The following PRKG2 variants were observed in gnomAD, a reference collection of about 807,000 sequenced individuals.
The protein encoded by PRKG2 is cGMP-dependent protein kinase 2.
Under a neutral mutation model 97.2 loss-of-function variants are expected in PRKG2, and 33 were observed. The ratio of observed to expected loss-of-function variants is 0.34; its 90% CI spans 0.26 to 0.45. The LOEUF is 0.45. PRKG2 is among the 20% of genes least tolerant of loss of function. The pLI, the probability that PRKG2 is intolerant of heterozygous loss-of-function variation, is 1.00. For synonymous variants in PRKG2, 330 were observed against 321.8 expected, an observed-to-expected ratio of 1.03 and a Z score of -0.27; for missense variants, 638 against 900.0, an observed-to-expected ratio of 0.71 and a Z score of 3.73.
At chr4:81,217,133 G>A (rs1035734292), upstream of PRKG2, among the ~76,000 whole-genome samples, 7 of 149,398 alleles carry the variant, frequency 4.7e-5, no homozygotes, top group Admixed American at 1.3e-4. Flanking sequence ...CCATGATTTT[G>A]CTATTGTGAA....
At position 81,152,063 on chromosome 4, in the gene PRKG2, T is replaced by C; in HGVS notation, c.991-9A>G. 2 of 1,585,540 alleles carry C rather than the reference T, an allele frequency of 1.3e-6. No individual in the cohort carries two copies. The highest frequency in any genetic ancestry group is 1.7e-6 in the Non-Finnish European group (2 of 1,159,798). On this transcript the variant is annotated splice_polypyrimidine_tract_variant and intron_variant, in intron 7 of 18. Transcript: ENST00000264399. ...CTCTGTGTTACTTTTACCTAAACAA[T>C]GTTAAGCAATACAAACAGAAAGAGA...
intron 2 of PRKG2, among the ~76,000 whole-genome samples, chr4:81,181,183 G>A (rs1439215778): frequency 6.6e-6 from 1 of 151,946 alleles, no homozygotes; most frequent in Non-Finnish European, 1.5e-5. Flanking sequence ...AAGTAATACA[G>A]AGTATATTCT....
At position 81,159,140 on chromosome 4, in the gene PRKG2, T is replaced by C. The variant is rs747651879; in HGVS notation, c.913-5419A>G. Among the ~76,000 whole-genome samples the C allele has an allele frequency of 2.6e-3, 389 of 152,160 alleles. 1 individual carries two copies. Among genetic ancestry groups the C allele is most frequent in the Non-Finnish European group, 1.7e-3 (113 of 68,008 alleles). On this transcript the variant is annotated intron_variant, in intron 6 of 18. Coordinates refer to ENST00000264399, the MANE Select transcript of PRKG2 (RefSeq NM_006259.3). ...CTAATTCAACTAAAGAGCTTCTGCA[T>C]AGCAAAAGAAACTACCATCAGGGTG...
chr4:81,110,308 T>C, intron 15 of PRKG2, 140 bp downstream of exon 15: 3 of 863,032 alleles, frequency 3.5e-6, no homozygotes, highest in Non-Finnish European at 5.1e-6. Context: ...TGTGAAACAA[T>C]GTCATGAGAA....
chr4:81,169,837 C>T (rs1024999283), intron 4 of PRKG2, 69 bp from the exon 5 acceptor site: 22 of 1,012,006 alleles, frequency 2.2e-5, no homozygotes, highest in Non-Finnish European at 3.0e-5. Context: ...AAATATAAAT[C>T]GATGGATTTG....
intron 3 of PRKG2, 84 bp from the exon 4 acceptor site, chr4:81,171,888 T>C (rs1750513283): frequency 1.1e-6 from 1 of 911,284 alleles, no homozygotes; most frequent in Non-Finnish European, 1.6e-6. Context: ...AAAACAATCA[T>C]AAAGCACACA....
chr4:81,093,879 C>T (rs995685737), intron 17 of PRKG2, among the ~76,000 whole-genome samples: 1 of 152,088 alleles, frequency 6.6e-6, no homozygotes, highest in Non-Finnish European at 1.5e-5. Flanking sequence ...ATAATAAGAA[C>T]ATGAAATCAT....
chr4:81,108,889 C>T (rs1022547508), intron 15 of PRKG2, among the ~76,000 whole-genome samples: 3 of 152,024 alleles, frequency 2.0e-5, no homozygotes, highest in Non-Finnish European at 2.9e-5. Flanking sequence ...AGAGTGACAC[C>T]GTGTCTCAAC....
chr4:81,214,143 C>G (rs1296684877), intron 1 of PRKG2, among the ~76,000 whole-genome samples: 4 of 129,040 alleles, frequency 3.1e-5, no homozygotes, highest in African/African-American at 1.3e-4. Context: ...GTGTATGTTG[C>G]TCTCTTCCTT....
At chr4:81,203,965 G>C (rs1753481772) in intron 2 of PRKG2, among the ~76,000 whole-genome samples, 2 of 152,046 alleles carry the variant, frequency 1.3e-5, no homozygotes, top group South Asian at 4.1e-4. Flanking sequence ...GATACCACCT[G>C]CTATAGTATT....
chr4:81,180,454 T>A (rs562744816), intron 2 of PRKG2, among the ~76,000 whole-genome samples: 1 of 152,194 alleles, frequency 6.6e-6, no homozygotes, highest in South Asian at 2.1e-4. Flanking sequence ...GAAAAAGATA[T>A]ACTATGTAAA....
chr4:81,129,734 C>T (rs1011721650), intron 14 of PRKG2, among the ~76,000 whole-genome samples: 5 of 152,128 alleles, frequency 3.3e-5, no homozygotes, highest in Non-Finnish European at 7.4e-5. Flanking sequence ...TGTCTTTGCA[C>T]ATGAGACGGT....
intron 8 of PRKG2, among the ~76,000 whole-genome samples, chr4:81,150,221 T>C (rs1748249317): frequency 6.6e-6 from 1 of 152,158 alleles, no homozygotes; most frequent in African/African-American, 2.4e-5. Flanking sequence ...AGGAAAGGCA[T>C]ATGGTATTCC....
chr4:81,111,495 A>C (rs941690147), intron 14 of PRKG2, among the ~76,000 whole-genome samples: 1 of 150,658 alleles, frequency 6.6e-6, no homozygotes, highest in East Asian at 1.9e-4. Flanking sequence ...AGAAAGTATA[A>C]ATTCATAGGG....
rs1578538203 is a variant in PRKG2, at chr4:81,214,990, C to T, written c.-68G>A. The stretch of plus-strand genomic sequence containing the variant: ...AGCTTGTCACCTCGGCGCGGCCGCC[C>T]CTGCGTCTCAGCGTCCTCTCCCACG... On this transcript the variant is annotated 5_prime_UTR_variant, in exon 1 of 19. Coordinates refer to ENST00000264399, the MANE Select transcript of PRKG2 (RefSeq NM_006259.3). The T allele has an allele frequency of 3.3e-5, 5 of 152,556 alleles. No homozygotes were observed. Among genetic ancestry groups the T allele is most frequent in the Admixed American group, 3.3e-4 (5 of 15,294 alleles). 9.5% of individuals were successfully genotyped at this position (152,556 alleles called of 1,614,324 possible).
Position 81,154,751 on chromosome 4 carries a change from A to G in PRKG2, c.913-1030T>C, listed in dbSNP as rs1009243713. ...AGGAACGCAGTTCCTCACTAGCAACAGAACAAAGCTGGACGGAGAATGACT... is the reference window on the plus strand; with the variant it reads ...AGGAACGCAGTTCCTCACTAGCAACGGAACAAAGCTGGACGGAGAATGACT... On this transcript the variant is annotated intron_variant, in intron 6 of 18. Coordinates refer to ENST00000264399, the MANE Select transcript of PRKG2 (RefSeq NM_006259.3). 4.6e-5 allele frequency among the ~76,000 whole-genome samples: 7 copies of G among 152,354 alleles called. No individual in the cohort carries two copies. In the East Asian group the frequency reaches 5.8e-4, roughly 13 times the overall value.
chr4:81,186,708 C>G (rs1168686962), intron 2 of PRKG2, among the ~76,000 whole-genome samples: 2 of 151,928 alleles, frequency 1.3e-5, no homozygotes, highest in Admixed American at 1.3e-4. Flanking sequence ...AAAAGATTAA[C>G]AAAATAGATA....
chr4:81,121,889 G>C (rs1209344139), intron 14 of PRKG2, among the ~76,000 whole-genome samples: 1 of 152,178 alleles, frequency 6.6e-6, no homozygotes, highest in Non-Finnish European at 1.5e-5. Flanking sequence ...TAGACAGGCA[G>C]ATAGATGACA....
chr4:81,148,050 T>G (rs907885688), intron 9 of PRKG2, among the ~76,000 whole-genome samples: 9 of 152,206 alleles, frequency 5.9e-5, no homozygotes, highest in Admixed American at 4.6e-4. Context: ...AATAAAAATA[T>G]ATTTTTAAAT....
Sources: gnomAD v4.1 joint callset for allele counts (sites outside exome capture counted in the v4.1 genomes callset) on GRCh38, gnomAD v4.1.1 for gene constraint, MANE v1.5 for transcripts, NCBI Gene and HGNC (gene_info 2026-07-23, HGNC 2026-07-21) for gene names.